Variants in APBB2 observed in about 807,000 individuals in gnomAD.
The protein encoded by APBB2 is amyloid beta precursor protein binding family B member 2.
APBB2 carries 38 observed loss-of-function variants against 82.5 expected under a neutral mutation model. The observed-to-expected ratio is 0.46, with a 90% CI of 0.36 to 0.60. APBB2 has a LOEUF of 0.60. Ranked by LOEUF, APBB2 falls within the 20% of genes least tolerant of loss-of-function variation. APBB2 has a pLI of 0.00. For synonymous variants in APBB2, 341 were observed against 368.2 expected, an observed-to-expected ratio of 0.93 and a Z score of 0.85; for missense variants, 772 against 972.3, an observed-to-expected ratio of 0.79 and a Z score of 2.74.
At chr4:40,935,320 T>C in intron 7 of APBB2, 181 bp from the exon 8 acceptor site, 1 of 561,700 alleles carries the variant, frequency 1.8e-6, no homozygotes, top group Non-Finnish European at 3.1e-6. Flanking sequence ...GATTATCACC[T>C]GAAGACGAGG....
intron 4 of APBB2, among the ~76,000 whole-genome samples, chr4:41,042,368 T>A (rs911897270): frequency 6.6e-6 from 1 of 152,246 alleles, no homozygotes; most frequent in Non-Finnish European, 1.5e-5. Context: ...TTCTAAGATG[T>A]GCCAATTTAA....
chr4:40,903,956 G>A (rs1281709470), intron 10 of APBB2, among the ~76,000 whole-genome samples: 3 of 152,260 alleles, frequency 2.0e-5, no homozygotes, highest in Admixed American at 1.3e-4. Context: ...CACATTGGTG[G>A]CCAGAATAAT....
chr4:41,120,814 G>A (rs1186673838), intron 2 of APBB2, among the ~76,000 whole-genome samples: 2 of 152,172 alleles, frequency 1.3e-5, no homozygotes, highest in Non-Finnish European at 2.9e-5. Flanking sequence ...TTTGTTAGTA[G>A]AACCTTTGAT....
chr4:41,065,870 T>A (rs1022010822), intron 3 of APBB2, among the ~76,000 whole-genome samples, 197 bp from the exon 4 acceptor site: 1 of 151,980 alleles, frequency 6.6e-6, no homozygotes, highest in African/African-American at 2.4e-5. Flanking sequence ...TTGCTGATGA[T>A]TAGCATGCAG....
chr4:41,051,887 T>G (rs1388317594), intron 4 of APBB2, among the ~76,000 whole-genome samples: 1 of 152,192 alleles, frequency 6.6e-6, no homozygotes, highest in Non-Finnish European at 1.5e-5. Flanking sequence ...GTAAGTCAGC[T>G]AACCTCCGTT....
intron 12 of APBB2, among the ~76,000 whole-genome samples, chr4:40,844,481 TG>T (rs1756930099): frequency 6.6e-6 from 1 of 152,228 alleles, no homozygotes; most frequent in African/African-American, 2.4e-5. Flanking sequence ...TCGGCTGGGT[TG>T]TGCTGGGCAG....
At chr4:40,964,842 C>T (rs560490556) in intron 6 of APBB2, among the ~76,000 whole-genome samples, 22 of 151,086 alleles carry the variant, frequency 1.5e-4, no homozygotes, top group African/African-American at 3.6e-4. Flanking sequence ...GAATAGTAGC[C>T]GGTAGTGGTG....
intron 1 of APBB2, among the ~76,000 whole-genome samples, chr4:41,193,070 TATTTAAAATTTTAAAATACAAAAGCAAA>T (rs1774927736): frequency 6.6e-6 from 1 of 152,350 alleles, no homozygotes; most frequent in East Asian, 1.9e-4. Context: ...TAAGAAACTG[TATTTAAAATTTTAAAATACAAAAGCAAA>T]AACTGGTTGA....
chr4:41,154,811 C>G (rs1176729155), intron 1 of APBB2, among the ~76,000 whole-genome samples: 1 of 152,190 alleles, frequency 6.6e-6, no homozygotes, highest in African/African-American at 2.4e-5. Context: ...CAAGATAAAA[C>G]TTTCTCTCTC....
chr4:40,830,484 A>C lies in APBB2; in HGVS notation c.1623T>G (p.Ser541Arg), dbSNP rs751504019. The change falls in exon 13 of 18, where the codon AGT (serine) becomes AGG (arginine). Residue 541 changes from serine (S) to arginine (R), a missense_variant. Ser to Arg is a moderately radical substitution (Grantham distance 110). Coordinates refer to ENST00000508593, the MANE Select transcript of APBB2 (RefSeq NM_004307.2). ...CDTPAKAIAT[S>R]LHEICSKIMA... ...TTACCTTGGAGCAGATCTCGTGGAG[A>C]CTTGTGGCAATGGCTTTTGCTGGTG... 1 of 1,613,840 alleles carries C rather than the reference A, an allele frequency of 6.2e-7. No individual in the cohort carries two copies. Among genetic ancestry groups the C allele is most frequent in the Non-Finnish European group, 8.5e-7 (1 of 1,179,810 alleles).
intron 17 of APBB2, among the ~76,000 whole-genome samples, chr4:40,818,148 A>G (rs1746457990): frequency 6.6e-6 from 1 of 152,246 alleles, no homozygotes; most frequent in Non-Finnish European, 1.5e-5. Flanking sequence ...AGATATTCAC[A>G]TGGTATAAAT....
intron 6 of APBB2, among the ~76,000 whole-genome samples, chr4:41,002,458 T>C (rs1347313561): frequency 6.6e-6 from 1 of 152,210 alleles, no homozygotes; most frequent in Non-Finnish European, 1.5e-5. Context: ...GCATCACACT[T>C]GTATGCAGCT....
At chr4:41,176,428 G>A (rs1160696269) in intron 1 of APBB2, among the ~76,000 whole-genome samples, 2 of 152,040 alleles carry the variant, frequency 1.3e-5, no homozygotes, top group East Asian at 3.9e-4. Flanking sequence ...GACAAGCTGG[G>A]TTACATTAGA....
In APBB2 at chr4:41,168,086, T is replaced by C. The variant is rs1208167506; in HGVS notation, c.-416-24944A>G. Among the ~76,000 whole-genome samples, 8 of 152,038 alleles carry C rather than the reference T, an allele frequency of 5.3e-5. No individual in the cohort carries two copies. The South Asian group carries it at 1.7e-3, about 32-fold the overall frequency. On this transcript the variant is annotated intron_variant, in intron 1 of 17. Coordinates refer to ENST00000508593, the MANE Select transcript of APBB2 (RefSeq NM_004307.2). The stretch of plus-strand genomic sequence containing the variant: ...GAGATGGAGACCATCCTGGCTAACA[T>C]GGTGAAACCTCATCTCTACTAAAAA...
chr4:41,204,119 G>GGCAATGGCAACAGGGGA (rs1021523772), intron 1 of APBB2, among the ~76,000 whole-genome samples: 2 of 152,226 alleles, frequency 1.3e-5, no homozygotes, highest in Non-Finnish European at 2.9e-5. Flanking sequence ...GATGGTCGCA[G>GGCAATGGCAACAGGGGA]GCAATGGCAA....
intron 4 of APBB2, among the ~76,000 whole-genome samples, chr4:41,051,500 G>C (rs1444469285): frequency 6.6e-6 from 1 of 152,136 alleles, no homozygotes; most frequent in Admixed American, 6.5e-5. Flanking sequence ...TCCCTAACTG[G>C]GTTAGGTGGA....
At chr4:40,834,275 T>G (rs1296776518) in intron 12 of APBB2, among the ~76,000 whole-genome samples, 2 of 152,156 alleles carry the variant, frequency 1.3e-5, no homozygotes, top group Non-Finnish European at 1.5e-5. Context: ...TTCTCCTCAC[T>G]GTAGAGGTCA....
At chr4:41,182,971 T>A (rs1460016071) in intron 1 of APBB2, among the ~76,000 whole-genome samples, 1 of 152,198 alleles carries the variant, frequency 6.6e-6, no homozygotes, top group Admixed American at 6.5e-5. Flanking sequence ...CTAAGAAGCA[T>A]CAGAAACCTA....
chr4:40,955,151 G>A (rs918426090), intron 6 of APBB2, among the ~76,000 whole-genome samples: 2 of 152,176 alleles, frequency 1.3e-5, no homozygotes, highest in African/African-American at 2.4e-5. Context: ...GGGATAGGGT[G>A]GGCTATTTAA....
Sources: gnomAD v4.1 joint callset for allele counts (sites outside exome capture counted in the v4.1 genomes callset) on GRCh38, gnomAD v4.1.1 for gene constraint, MANE v1.5 for transcripts, NCBI Gene and HGNC (gene_info 2026-07-23, HGNC 2026-07-21) for gene names.